Variants in ADCYAP1R1 observed in about 807,000 individuals in gnomAD.
ADCYAP1R1 encodes the protein ADCYAP receptor type I.
A neutral mutation model predicts 67.6 loss-of-function variants in ADCYAP1R1; 44 were observed. The ratio of observed to expected loss-of-function variants is 0.65; its 90% CI spans 0.51 to 0.84. ADCYAP1R1 has a LOEUF of 0.84. Among genes scored for constraint, ADCYAP1R1 ranks in the 40% least tolerant of loss-of-function variants. The pLI is 0.00. For synonymous variants in ADCYAP1R1, 222 were observed against 219.6 expected, an observed-to-expected ratio of 1.01 and a Z score of -0.10; for missense variants, 477 against 587.9, an observed-to-expected ratio of 0.81 and a Z score of 1.95.
chr7:31,104,517 C>T (rs1272339725), intron 14 of ADCYAP1R1, among the ~76,000 whole-genome samples: 1 of 152,112 alleles, frequency 6.6e-6, no homozygotes. Flanking sequence ...CCCTCAGAAG[C>T]CTGCAGGATG....
chr7:31,064,690 C>G, intron 2 of ADCYAP1R1, 141 bp from the exon 3 acceptor site: 2 of 659,292 alleles, frequency 3.0e-6, no homozygotes, highest in Admixed American at 2.7e-5. Context: ...AGGGCCCCTG[C>G]TGGCCCTGAC....
At chr7:31,080,568 T>G (rs200360219) in intron 4 of ADCYAP1R1, 45 bp from the exon 5 acceptor site, 2 of 1,606,830 alleles carry the variant, frequency 1.2e-6, no homozygotes, top group Non-Finnish European at 8.5e-7. Context: ...CTCACCCCGC[T>G]GCTCACCTCT....
intron 1 of ADCYAP1R1, among the ~76,000 whole-genome samples, chr7:31,054,130 T>C (rs1051839804): frequency 6.6e-6 from 1 of 151,984 alleles, no homozygotes; most frequent in Non-Finnish European, 1.5e-5. Flanking sequence ...AACATACAGA[T>C]TGGAGGTGGA....
At chr7:31,084,946 G>A in intron 8 of ADCYAP1R1, 112 bp downstream of exon 8, 1 of 1,040,394 alleles carries the variant, frequency 9.6e-7, no homozygotes, top group Non-Finnish European at 1.5e-6. Flanking sequence ...CCCCTTTGAA[G>A]GCATTTCTCC....
intron 3 of ADCYAP1R1, among the ~76,000 whole-genome samples, chr7:31,069,222 TG>T (rs1439790946): frequency 1.3e-5 from 2 of 152,166 alleles, no homozygotes; most frequent in African/African-American, 4.8e-5. Context: ...TAAACCAGGC[TG>T]GGGAGCTCAC....
rs575267867 is a variant in ADCYAP1R1 at position 31,081,570 on chromosome 7, A to G, written c.287-143A>G. 2.6e-5 allele frequency: 15 copies of G among 586,990 alleles called. No homozygotes were observed. In the East Asian group the frequency reaches 3.1e-4, roughly 12 times the overall value. The allele number at this position is 586,990 out of a possible 1,614,324, so 36.4% of individuals were successfully genotyped here. ...TGTGTGAGAAAGGTGCGCGGCTGCT[A>G]TGTGTGATATTGCCTCTTGGCCAGG... is the stretch of plus-strand genomic sequence containing the variant. On this transcript the variant is annotated intron_variant, in intron 5 of 15. Transcript: ENST00000304166.
At chr7:31,084,890 C>A in intron 8 of ADCYAP1R1, 56 bp downstream of exon 8, 2 of 1,484,036 alleles carry the variant, frequency 1.3e-6, no homozygotes, top group Middle Eastern at 1.7e-4. Flanking sequence ...GCCTCAGAGG[C>A]CTTGGTGCAT....
intron 12 of ADCYAP1R1, among the ~76,000 whole-genome samples, chr7:31,088,059 C>T (rs1584521692): frequency 6.6e-6 from 1 of 152,200 alleles, no homozygotes; most frequent in African/African-American, 2.4e-5. Flanking sequence ...TATTCCTCCT[C>T]AGGAAGAGTG....
chr7:31,085,437 T>C lies in ADCYAP1R1; in HGVS notation c.664T>C (p.Ser222Pro). The C allele has an allele frequency of 1.2e-6, 2 of 1,612,718 alleles. No individual in the cohort carries two copies. Among genetic ancestry groups the C allele is most frequent in the Non-Finnish European group, 1.7e-6 (2 of 1,179,808 alleles). Residue 222 changes from serine (S) to proline (P), a missense_variant, in exon 9 of 16, where the codon TCC (serine) becomes CCC (proline). Physicochemically the swap from Ser to Pro is moderately conservative, Grantham distance 74. Transcript: ENST00000304166. The part of the protein sequence containing the change: ...AEQDSNHCFI[S>P]TVECKAVMVF... ...GCAGGACAGCAACCACTGCTTCATC[T>C]CCACTGTGAGTGAGCCAAGCAGACC...
chr7:31,069,816 T>C (rs1794899947), intron 3 of ADCYAP1R1, among the ~76,000 whole-genome samples: 1 of 151,906 alleles, frequency 6.6e-6, no homozygotes, highest in Admixed American at 6.6e-5. Context: ...CCCAGAGAGG[T>C]GGCCGTGGGG....
At chr7:31,098,181 C>A (rs1406356976) in intron 13 of ADCYAP1R1, among the ~76,000 whole-genome samples, 1 of 152,206 alleles carries the variant, frequency 6.6e-6, no homozygotes, top group Non-Finnish European at 1.5e-5. Flanking sequence ...GGATTACAGG[C>A]CACTGCGCCC....
intron 3 of ADCYAP1R1, among the ~76,000 whole-genome samples, chr7:31,068,906 G>A (rs948755689): frequency 6.6e-6 from 1 of 152,174 alleles, no homozygotes; most frequent in African/African-American, 2.4e-5. Flanking sequence ...GCTCTTAGGG[G>A]TACCCTGGCT....
intron 8 of ADCYAP1R1, 88 bp from the exon 9 acceptor site, chr7:31,085,222 C>G: frequency 6.6e-7 from 1 of 1,522,916 alleles, no homozygotes; most frequent in Non-Finnish European, 8.8e-7. Context: ...GATAAAGCCA[C>G]AGAGTTGGCC....
Position 31,102,479 on chromosome 7 carries a change from G to A in ADCYAP1R1, c.1047-758G>A, listed in dbSNP as rs1019879982. On this transcript the variant is annotated intron_variant, in intron 13 of 15. Transcript: ENST00000304166. This position sits in a 1 kb window ranked among gnomAD's most constrained non-coding sequence, Gnocchi z 4.3. ...TGTGGCTTCAGAACAGAGCCCCACC[G>A]TGCTGTCAGCCTAGGGCCAGAGGCA... Among the ~76,000 whole-genome samples the A allele has an allele frequency of 1.3e-5, 2 of 152,188 alleles. No homozygotes were observed. Among genetic ancestry groups the A allele is most frequent in the African/African-American group, 2.4e-5 (1 of 41,456 alleles).
At chr7:31,105,070 G>A (rs548116989) in intron 15 of ADCYAP1R1, among the ~76,000 whole-genome samples, 161 bp downstream of exon 15, 15 of 152,278 alleles carry the variant, frequency 9.9e-5, no homozygotes, top group Non-Finnish European at 2.2e-4. Context: ...TCCTGGCATT[G>A]TGTGGTGCCA....
Position 31,110,569 on chromosome 7 carries a change from A to G in ADCYAP1R1, c.*3885A>G, listed in dbSNP as rs557694371. The G allele has an allele frequency of 8.5e-5, 13 of 152,548 alleles. No homozygotes were observed. The highest frequency in any genetic ancestry group is 3.1e-4 in the African/African-American group (13 of 41,574). 9.4% of individuals were successfully genotyped at this position (152,548 alleles called of 1,614,324 possible). ...CACCAATTTATGCATAGCCCTGCAC[A>G]TGAGCAGAATGTGACACTCAAAGCA... is the stretch of plus-strand genomic sequence containing the variant. On this transcript the variant is annotated 3_prime_UTR_variant, in exon 16 of 16. Transcript: ENST00000304166.
Position 31,086,915 on chromosome 7 carries a change from C to T in ADCYAP1R1, c.824-28C>T. The T allele has an allele frequency of 6.2e-7, 1 of 1,613,546 alleles. No individual in the cohort carries two copies. The highest frequency in any genetic ancestry group is 2.2e-5 in the East Asian group (1 of 44,868). ...TTGGACATGTTGGTTTTCCTGTTCT[C>T]ACGGACCTCTTTTTCTTGTTCTCCC... On this transcript the variant is annotated intron_variant, in intron 10 of 15. Coordinates refer to ENST00000304166, the MANE Select transcript of ADCYAP1R1 (RefSeq NM_001118.5). The surrounding 1 kb of genome is among the most constrained non-coding windows in gnomAD (Gnocchi z 5.0).
At chr7:31,096,828 A>G (rs1185144077) in intron 13 of ADCYAP1R1, among the ~76,000 whole-genome samples, 1 of 97,674 alleles carries the variant, frequency 1.0e-5, no homozygotes, top group Non-Finnish European at 2.2e-5. Context: ...TGTTCAGCTC[A>G]GTCCACCACA....
Position 31,052,556 on chromosome 7 carries a change from C to T in ADCYAP1R1, c.-194C>T, listed in dbSNP as rs943232787. The stretch of plus-strand genomic sequence containing the variant: ...CGGCCACACAGGCGCGGAGACCCGG[C>T]TCGGCGCGCGCTCCTCGGCGCACAC... On this transcript the variant is annotated 5_prime_UTR_variant, in exon 1 of 16. Transcript: ENST00000304166. The T allele has an allele frequency of 1.3e-5, 2 of 151,214 alleles. No individual in the cohort carries two copies. Among genetic ancestry groups the T allele is most frequent in the African/African-American group, 4.8e-5 (2 of 41,292 alleles). 9.4% of individuals were successfully genotyped at this position (151,214 alleles called of 1,614,324 possible). A position where few individuals can be genotyped will look rare whatever the true frequency, so the allele number is the denominator to read the frequency against.
Sources: gnomAD v4.1 joint callset for allele counts (sites outside exome capture counted in the v4.1 genomes callset) on GRCh38, gnomAD v4.1.1 for gene constraint, Gnocchi (gnomAD v3.1) non-coding constraint, MANE v1.5 for transcripts, NCBI Gene and HGNC (gene_info 2026-07-23, HGNC 2026-07-21) for gene names.